ATRN: variants seen among roughly 807,000 people sequenced by gnomAD.
ATRN encodes the protein attractin.
Under a neutral mutation model 178.7 loss-of-function variants are expected in ATRN, and 54 were observed. That is an observed-to-expected ratio of 0.30 (90% CI 0.24 to 0.38). The LOEUF is 0.38. ATRN is among the 10% of genes least tolerant of loss of function. ATRN has a pLI of 1.00. For missense variants in ATRN, 1,443 were observed against 1,815.1 expected, an observed-to-expected ratio of 0.79 and a Z score of 3.73; for synonymous variants, 636 against 663.0, an observed-to-expected ratio of 0.96 and a Z score of 0.63.
At position 3,572,825 on chromosome 20, in the gene ATRN, G is replaced by T. The variant is rs144351024; in HGVS notation, c.1966G>T (p.Ala656Ser). ...GTGTGATGCGCATCGGAGTGAAGCC[G>T]CTTGTTTAGCAGCAGGACCTGGTAT... Reference protein sequence around the residue: ...EQCDAHRSEAACLAAGPGIRC... With the variant: ...EQCDAHRSEASCLAAGPGIRC... Residue 656 changes from alanine to serine, a missense_variant, in exon 12 of 29, where the codon GCT (alanine) becomes TCT (serine). Ala to Ser is a moderately conservative substitution (Grantham distance 99). Around this residue, in one of 4 missense-constraint regions of ATRN, gnomAD observed 862 missense variants for 972.1 expected, o/e 0.89. Coordinates refer to ENST00000262919, the MANE Select transcript of ATRN (RefSeq NM_139321.3). 3.7e-6 allele frequency: 6 copies of T among 1,613,698 alleles called. No individual in the cohort carries two copies. In the East Asian group the frequency reaches 1.3e-4, roughly 36 times the overall value.
intron 1 of ATRN, among the ~76,000 whole-genome samples, chr20:3,519,251 C>T (rs1050833926): frequency 1.3e-5 from 2 of 152,052 alleles, no homozygotes; most frequent in African/African-American, 4.8e-5. Context: ...TGAAGCAGTA[C>T]TGGGAGATCT....
intron 24 of ATRN, among the ~76,000 whole-genome samples, chr20:3,606,867 G>A (rs960289272): frequency 1.3e-5 from 2 of 151,978 alleles, no homozygotes; most frequent in African/African-American, 4.8e-5. Flanking sequence ...ATAATTTGAG[G>A]AGTTTTCACT....
chr20:3,554,415 A>G (rs1029211450), intron 6 of ATRN, among the ~76,000 whole-genome samples: 1 of 151,664 alleles, frequency 6.6e-6, no homozygotes, highest in African/African-American at 2.4e-5. Flanking sequence ...GGCTCACTGC[A>G]GGCTCCGCCT....
chr20:3,480,892 TAC>T (rs1461146259), intron 1 of ATRN, among the ~76,000 whole-genome samples: 2 of 152,256 alleles, frequency 1.3e-5, no homozygotes, highest in African/African-American at 4.8e-5. Context: ...ACAGAAATCT[TAC>T]ACTGGTTTTT....
At chr20:3,611,076 A>G (rs1198887629) in intron 24 of ATRN, among the ~76,000 whole-genome samples, 4 of 152,190 alleles carry the variant, frequency 2.6e-5, no homozygotes, top group African/African-American at 7.2e-5. Flanking sequence ...ACATAAAACT[A>G]TAAAACTTTT....
In ATRN at chr20:3,582,179, T is replaced by C. The variant is rs1446115718; in HGVS notation, c.2589T>C (p.Asn863=). ...LTPWVGLRKI[N]VSYWCWEDMS... ...CATGGGTCGGCCTTCGGAAGATCAA[T>C]GTGTCCTACTGGTGCTGGGAAGATA... Residue 863 remains asparagine, a synonymous_variant, in exon 16 of 29, where the codon AAT becomes AAC. Coordinates refer to ENST00000262919, the MANE Select transcript of ATRN (RefSeq NM_139321.3). 3.1e-6 allele frequency: 5 copies of C among 1,614,098 alleles called. No individual in the cohort carries two copies. The highest frequency in any genetic ancestry group is 2.2e-5 in the South Asian group (2 of 91,086).
At chr20:3,629,224 A>C (rs2086970836) in intron 25 of ATRN, 1 of 985,406 alleles carries the variant, frequency 1.0e-6, no homozygotes, top group African/African-American at 1.7e-5. Context: ...AGTCCAGAGA[A>C]GACCTTTAAA....
chr20:3,577,083 A>T lies in ATRN; in HGVS notation c.2353+86A>T, dbSNP rs1391811164. 2.0e-6 allele frequency: 3 copies of T among 1,510,300 alleles called. No homozygotes were observed. The African/African-American group carries it at 4.2e-5, about 21-fold the overall frequency. 93.6% of individuals were successfully genotyped at this position (1,510,300 alleles called of 1,614,324 possible). A position where few individuals can be genotyped will look rare whatever the true frequency, so the allele number is the denominator to read the frequency against. On this transcript the variant is annotated intron_variant, in intron 14 of 28. Coordinates refer to ENST00000262919, the MANE Select transcript of ATRN (RefSeq NM_139321.3). ...ACACTGTGCAGCCTAAGTTGAACCT[A>T]GCAGAGGGGAAGAGCTAATTCTGTC...
At chr20:3,601,987 A>G (rs1012872658) in intron 23 of ATRN, among the ~76,000 whole-genome samples, 4 of 152,128 alleles carry the variant, frequency 2.6e-5, no homozygotes, top group Non-Finnish European at 5.9e-5. Flanking sequence ...TAGGCAAGTT[A>G]CTTAAGGTTT....
intron 15 of ATRN, 21 bp downstream of exon 15, chr20:3,578,793 C>T: frequency 6.3e-7 from 1 of 1,598,090 alleles, no homozygotes; most frequent in Non-Finnish European, 8.5e-7. Flanking sequence ...ATCCTCAAAA[C>T]TTAAGTTTCT....
At chr20:3,628,473 T>G (rs1276188580) in intron 25 of ATRN, among the ~76,000 whole-genome samples, 1 of 152,090 alleles carries the variant, frequency 6.6e-6, no homozygotes, top group Non-Finnish European at 1.5e-5. Flanking sequence ...AATTTATAAG[T>G]CTTAAATTGT....
chr20:3,529,913 T>A (rs1478691310), intron 1 of ATRN, among the ~76,000 whole-genome samples: 1 of 152,134 alleles, frequency 6.6e-6, no homozygotes, highest in Non-Finnish European at 1.5e-5. Context: ...CAGGTTAGTT[T>A]AAGAAACAAA....
chr20:3,513,702 C>A (rs1466513069), intron 1 of ATRN, among the ~76,000 whole-genome samples: 1 of 150,684 alleles, frequency 6.6e-6, no homozygotes, highest in African/African-American at 2.4e-5. Context: ...CCTTTTTCAC[C>A]ATATTGATTC....
chr20:3,583,620 A>T (rs1317597777), intron 16 of ATRN, among the ~76,000 whole-genome samples: 3 of 152,154 alleles, frequency 2.0e-5, no homozygotes, highest in African/African-American at 7.2e-5. Context: ...CATCCTGGCT[A>T]ACATAGTGAA....
chr20:3,482,911 G>A (rs1431993543), intron 1 of ATRN, among the ~76,000 whole-genome samples: 1 of 152,170 alleles, frequency 6.6e-6, no homozygotes, highest in South Asian at 2.1e-4. Context: ...TGGAAGAGAT[G>A]CGAGGAATAT....
At chr20:3,587,005 A>G (rs1190148292) in intron 18 of ATRN, among the ~76,000 whole-genome samples, 3 of 152,208 alleles carry the variant, frequency 2.0e-5, no homozygotes, top group Non-Finnish European at 2.9e-5. Context: ...TTGAACATCA[A>G]CTTCATTAGT....
At chr20:3,565,316 T>C in intron 10 of ATRN, 32 bp from the exon 11 acceptor site, 1 of 1,551,958 alleles carries the variant, frequency 6.4e-7, no homozygotes. Flanking sequence ...GAAATGGTAG[T>C]CCGTTTAAAA....
At chr20:3,475,790 T>C (rs1467094277) in intron 1 of ATRN, among the ~76,000 whole-genome samples, 1 of 152,030 alleles carries the variant, frequency 6.6e-6, no homozygotes, top group Non-Finnish European at 1.5e-5. Flanking sequence ...GTACCTTCTG[T>C]AGAAAAAAAA....
intron 3 of ATRN, among the ~76,000 whole-genome samples, chr20:3,542,611 C>T (rs1309014829): frequency 7.9e-6 from 1 of 126,218 alleles, no homozygotes; most frequent in Non-Finnish European, 1.7e-5. Context: ...TTCCCCCTTC[C>T]CCCTTCCCCT....
Sources: allele counts gnomAD v4.1 joint callset (sites outside exome capture counted in the v4.1 genomes callset), GRCh38; gene constraint gnomAD v4.1.1; regional missense constraint gnomAD v4.1.1; transcripts MANE v1.5; gene names NCBI Gene and HGNC (gene_info 2026-07-23, HGNC 2026-07-21).